The following RASGRF1 variants were observed in gnomAD, a reference collection of about 807,000 sequenced individuals.
The protein encoded by RASGRF1 is Ras protein specific guanine nucleotide releasing factor 1.
Under a neutral mutation model 138.7 loss-of-function variants are expected in RASGRF1, and 40 were observed. The observed-to-expected ratio is 0.29, with a 90% CI of 0.22 to 0.38. The LOEUF is 0.38. Ranked by LOEUF, RASGRF1 falls within the 10% of genes least tolerant of loss-of-function variation. RASGRF1 has a pLI of 1.00. For synonymous variants in RASGRF1, 614 were observed against 663.2 expected, an observed-to-expected ratio of 0.93 and a Z score of 1.14; for missense variants, 1,108 against 1,650.4, an observed-to-expected ratio of 0.67 and a Z score of 5.69.
chr15:79,032,310 A>T lies in RASGRF1; in HGVS notation c.965T>A (p.Leu322Gln). 6.2e-7 allele frequency: 1 copy of T among 1,613,888 alleles called. No homozygotes were observed. The highest frequency in any genetic ancestry group is 8.5e-7 in the Non-Finnish European group (1 of 1,179,854). ...GAGCATGGGCAGCAGGATGTCAAAT[A>T]GGTCAGCTGGAAGGACGAGGCAGTC... ...SSWPTLVLADLFDILLPMLNI... is the reference protein window; with the variant it reads ...SSWPTLVLADQFDILLPMLNI... The change falls in exon 7 of 27, where the codon CTA becomes CAA. Residue 322 changes from leucine to glutamine, a missense_variant. Leu to Gln is a moderately radical substitution (Grantham distance 113). Transcript: ENST00000558480. The surrounding 1 kb of genome is among the most constrained non-coding windows in gnomAD (Gnocchi z 4.5).
In RASGRF1 at chr15:79,027,923, T is replaced by G; in HGVS notation, c.1263-64A>C. Reference sequence around the variant, plus strand: ...CCCCTACTTCCCAGGGAGGCGAGAATGCCAGGCTTCTGGCCAGACCTAGGA... The same window carrying G: ...CCCCTACTTCCCAGGGAGGCGAGAAGGCCAGGCTTCTGGCCAGACCTAGGA... On this transcript the variant is annotated intron_variant, in intron 8 of 26. Transcript: ENST00000558480. The surrounding 1 kb of genome is among the most constrained non-coding windows in gnomAD (Gnocchi z 4.8). 6.5e-7 allele frequency: 1 copy of G among 1,538,488 alleles called. No individual in the cohort carries two copies. Among genetic ancestry groups the G allele is most frequent in the East Asian group, 2.2e-5 (1 of 44,460 alleles).
chr15:79,005,405 C>A (rs188186140), intron 14 of RASGRF1: 1 of 985,202 alleles, frequency 1.0e-6, no homozygotes, highest in Non-Finnish European at 1.2e-6. Flanking sequence ...GCAGGGCACT[C>A]AGAGAGCCTC....
intron 2 of RASGRF1, among the ~76,000 whole-genome samples, chr15:79,062,629 G>T (rs1333818511): frequency 1.3e-5 from 2 of 152,100 alleles, no homozygotes; most frequent in Non-Finnish European, 2.9e-5. Context: ...CCGCCTCCCT[G>T]GTTCAAGCAA....
chr15:78,991,908 C>A, intron 20 of RASGRF1, 114 bp from the exon 21 acceptor site: 1 of 696,032 alleles, frequency 1.4e-6, no homozygotes, highest in Non-Finnish European at 2.6e-6. Flanking sequence ...GGCGGGTGGA[C>A]GGGGTATGAC....
intron 3 of RASGRF1, among the ~76,000 whole-genome samples, chr15:79,056,627 A>G (rs1188381814): frequency 6.6e-6 from 1 of 152,108 alleles, no homozygotes; most frequent in East Asian, 1.9e-4. Context: ...TCCTATCAGG[A>G]TGGTTGTGGG....
At chr15:79,011,140 G>A (rs967034565) in intron 13 of RASGRF1, among the ~76,000 whole-genome samples, 1 of 152,008 alleles carries the variant, frequency 6.6e-6, no homozygotes, top group Non-Finnish European at 1.5e-5. Context: ...TGGCAGTGGG[G>A]AGCCTGCCAC....
At chr15:79,047,252 AGT>A (rs10557732) in intron 4 of RASGRF1, among the ~76,000 whole-genome samples, 26,557 of 152,146 alleles carry the variant, frequency 0.17, 3,112 homozygotes, top group South Asian at 0.38. Context: ...CTAGACTGAA[AGT>A]GTGGTCCACA....
intron 20 of RASGRF1, among the ~76,000 whole-genome samples, chr15:78,994,237 G>T (rs1174790826): frequency 6.6e-6 from 1 of 152,242 alleles, no homozygotes; most frequent in Admixed American, 6.5e-5. Context: ...AGGGTCTGGG[G>T]ACCGTCAACC....
intron 26 of RASGRF1, among the ~76,000 whole-genome samples, chr15:78,966,742 T>G (rs537694622): frequency 6.6e-6 from 1 of 152,226 alleles, no homozygotes; most frequent in East Asian, 1.9e-4. Flanking sequence ...AGATAGCCAT[T>G]TTCAGTTCTT....
At chr15:79,071,521 G>A (rs998723416) in intron 1 of RASGRF1, among the ~76,000 whole-genome samples, 3 of 148,518 alleles carry the variant, frequency 2.0e-5, no homozygotes, top group Admixed American at 6.6e-5. Context: ...CGCCATGCCC[G>A]GCTAATTTTT....
rs2057414639 is a variant in RASGRF1 at position 79,050,386 on chromosome 15, T to C, written c.532-798A>G. On this transcript the variant is annotated intron_variant, in intron 3 of 26. Transcript: ENST00000558480. The surrounding 1 kb of genome is among the most constrained non-coding windows in gnomAD (Gnocchi z 4.1). ...GTGTGTGTAGACCACATTTTATTTA[T>C]CCATTCCCCCTTTGATGGGCATCTA... 6.6e-6 allele frequency among the ~76,000 whole-genome samples: 1 copy of C among 152,250 alleles called. No individual in the cohort carries two copies. The highest frequency in any genetic ancestry group is 1.5e-5 in the Non-Finnish European group (1 of 68,042).
intron 13 of RASGRF1, among the ~76,000 whole-genome samples, chr15:79,012,034 T>C (rs2056806112): frequency 6.6e-6 from 1 of 151,714 alleles, no homozygotes. Flanking sequence ...AAAAAAAAAA[T>C]TGATACATTA....
chr15:79,077,079 G>A lies in RASGRF1; in HGVS notation c.277-12553C>T, dbSNP rs147646314. 3.9e-5 allele frequency among the ~76,000 whole-genome samples: 6 copies of A among 152,302 alleles called. No individual in the cohort carries two copies. The East Asian group carries it at 1.2e-3, about 29-fold the overall frequency. On this transcript the variant is annotated intron_variant, in intron 1 of 26. Coordinates refer to ENST00000558480, the MANE Select transcript of RASGRF1 (RefSeq NM_001145648.3). ...CGTGCCTCTTCAGGGATAGCTGACA[G>A]GGCACAGGGCAGTCCTTCCATAAGG...
At position 78,998,141 on chromosome 15, in the gene RASGRF1, G is replaced by A. The variant is rs985969635; in HGVS notation, c.2921C>T (p.Pro974Leu). 4.3e-6 allele frequency: 7 copies of A among 1,614,164 alleles called. No homozygotes were observed. Among genetic ancestry groups the A allele is most frequent in the Non-Finnish European group, 5.9e-6 (7 of 1,180,020 alleles). Reference sequence around the variant, plus strand: ...CTTCCGCTCCTGGGTCAGGAGCTCCGGGTCGTGCATGACTTCTTCCAGGAA... The same window carrying A: ...CTTCCGCTCCTGGGTCAGGAGCTCCAGGTCGTGCATGACTTCTTCCAGGAA... Reference protein sequence around the residue: ...IGFLEEVMHDPELLTQERKAA... With the variant: ...IGFLEEVMHDLELLTQERKAA... The change falls in exon 19 of 27, where the codon CCG (proline) becomes CTG (leucine). Residue 974 changes from proline to leucine, a missense_variant. By Grantham distance (98) the Pro-to-Leu change is moderately conservative. Coordinates refer to ENST00000558480, the MANE Select transcript of RASGRF1 (RefSeq NM_001145648.3).
Position 79,031,466 on chromosome 15 carries a change from G to A in RASGRF1, c.1196C>T (p.Thr399Met), listed in dbSNP as rs1234815073. Residue 399 changes from threonine to methionine, a missense_variant, in exon 8 of 27, where the codon ACG becomes ATG. Thr to Met is a moderately conservative substitution (Grantham distance 81, BLOSUM62 -1). Coordinates refer to ENST00000558480, the MANE Select transcript of RASGRF1 (RefSeq NM_001145648.3). ...ILTLHELLAH[T>M]PHEHVERNSL... ...GTTGCGCTCAACGTGCTCATGAGGC[G>A]TGTGGGCCAGGAGCTCATGGAGGGT... 5.6e-6 allele frequency: 9 copies of A among 1,613,456 alleles called. No homozygotes were observed. Among genetic ancestry groups the A allele is most frequent in the Non-Finnish European group, 7.6e-6 (9 of 1,179,792 alleles).
At position 79,004,046 on chromosome 15, in the gene RASGRF1, C is replaced by G. The variant is rs147668252; in HGVS notation, c.2205G>C (p.Pro735=). ...TCAGGGAGAGCTTCCGCCGGCGGCT[C>G]GGTGACGATGTCTTGGTGATGGACA... is the stretch of plus-strand genomic sequence containing the variant. ...PPLSITKTSS[P]SRRRKLSLNI... Residue 735 remains proline (P), a synonymous_variant, in exon 15 of 27, where the codon CCG becomes CCC. Coordinates refer to ENST00000558480, the MANE Select transcript of RASGRF1 (RefSeq NM_001145648.3). 3 of 1,614,036 alleles carry G rather than the reference C, an allele frequency of 1.9e-6. No individual in the cohort carries two copies. The East Asian group carries it at 6.7e-5, about 36-fold the overall frequency.
chr15:78,982,961 C>T (rs527647447), intron 23 of RASGRF1, among the ~76,000 whole-genome samples: 4 of 152,254 alleles, frequency 2.6e-5, no homozygotes, highest in Admixed American at 2.0e-4. Context: ...CAAATGAAAT[C>T]CAACTGCCTG....
Position 78,999,767 on chromosome 15 carries a change from G to A in RASGRF1, c.2722C>T (p.Arg908Trp), listed in dbSNP as rs773249592. 5 of 1,614,008 alleles carry A rather than the reference G, an allele frequency of 3.1e-6. No homozygotes were observed. The highest frequency in any genetic ancestry group is 2.2e-5 in the East Asian group (1 of 44,870). Residue 908 changes from arginine to tryptophan, a missense_variant, in exon 17 of 27, where the codon CGG (arginine) becomes TGG (tryptophan). Coordinates refer to ENST00000558480, the MANE Select transcript of RASGRF1 (RefSeq NM_001145648.3). ...CCTGCACTGGCTAAGGACATCCTCCGGTACTTCTCCTTGTTTGGGGTGCCC... is the reference window on the plus strand; with the variant it reads ...CCTGCACTGGCTAAGGACATCCTCCAGTACTTCTCCTTGTTTGGGGTGCCC... ...NEGTPNKEKY[R>W]RMSLASAGFP...
At chr15:79,005,498 C>G in intron 14 of RASGRF1, 1 of 985,390 alleles carries the variant, frequency 1.0e-6, no homozygotes, top group Non-Finnish European at 1.2e-6. Context: ...ACCTACCATT[C>G]CTGGATGCAG....
Sources: gnomAD v4.1 joint callset for allele counts (sites outside exome capture counted in the v4.1 genomes callset) on GRCh38, gnomAD v4.1.1 for gene constraint, Gnocchi (gnomAD v3.1) non-coding constraint, MANE v1.5 for transcripts, NCBI Gene and HGNC (gene_info 2026-07-23, HGNC 2026-07-21) for gene names.